TMEM163: variants seen among roughly 807,000 people sequenced by gnomAD.
TMEM163 encodes transmembrane protein 163.
A neutral mutation model predicts 29.3 loss-of-function variants in TMEM163; 17 were observed. The ratio of observed to expected loss-of-function variants is 0.58; its 90% CI spans 0.40 to 0.87. The LOEUF is 0.87. Ranked by LOEUF, TMEM163 falls within the 40% of genes least tolerant of loss-of-function variation. The pLI, the probability that TMEM163 is intolerant of heterozygous loss-of-function variation, is 0.00. For missense variants in TMEM163, 303 were observed against 381.5 expected (o/e 0.79, Z 1.71); for synonymous variants, 157 against 160.6 (o/e 0.98, Z 0.17).
At chr2:134,709,837 T>C (rs1373598959) in intron 2 of TMEM163, among the ~76,000 whole-genome samples, 1 of 152,184 alleles carries the variant, frequency 6.6e-6, no homozygotes, top group Non-Finnish European at 1.5e-5. Flanking sequence ...TAAGAAACAT[T>C]TGCAGTCTGT....
chr2:134,547,257 A>G (rs998433663), intron 4 of TMEM163, among the ~76,000 whole-genome samples: 2 of 152,228 alleles, frequency 1.3e-5, no homozygotes, highest in South Asian at 2.1e-4. Context: ...AACAAAAACT[A>G]TCAGGGCTAG....
chr2:134,623,494 G>A (rs1034735995), intron 2 of TMEM163, among the ~76,000 whole-genome samples: 2 of 152,182 alleles, frequency 1.3e-5, no homozygotes, highest in African/African-American at 4.8e-5. Flanking sequence ...GTTGCCGGCC[G>A]CAGTGGCTCA....
At chr2:134,700,663 C>T (rs927003888) in intron 2 of TMEM163, among the ~76,000 whole-genome samples, 2 of 152,090 alleles carry the variant, frequency 1.3e-5, no homozygotes, top group African/African-American at 4.8e-5. Context: ...CTTTAGGAGG[C>T]TAAGGCGGGC....
intron 2 of TMEM163, among the ~76,000 whole-genome samples, chr2:134,623,317 T>C (rs1350443021): frequency 6.6e-6 from 1 of 152,110 alleles, no homozygotes; most frequent in Non-Finnish European, 1.5e-5. Context: ...CGAGTCTACA[T>C]ACCCAATCTT....
At chr2:134,531,602 T>A (rs911688115) in intron 4 of TMEM163, among the ~76,000 whole-genome samples, 1 of 152,212 alleles carries the variant, frequency 6.6e-6, no homozygotes, top group African/African-American at 2.4e-5. Context: ...AACTCAGGGA[T>A]ACACTTAACT....
chr2:134,475,625 T>C (rs1296263715), intron 5 of TMEM163, among the ~76,000 whole-genome samples: 3 of 152,156 alleles, frequency 2.0e-5, no homozygotes, highest in African/African-American at 7.2e-5. Flanking sequence ...TTTAATAATT[T>C]CTACATCTCA....
chr2:134,638,244 T>C (rs72970166), intron 2 of TMEM163, among the ~76,000 whole-genome samples: 6,850 of 152,286 alleles, frequency 0.045, 507 homozygotes, highest in African/African-American at 0.15. Flanking sequence ...TTAAGCAGTG[T>C]CCTATTGATG....
intron 2 of TMEM163, among the ~76,000 whole-genome samples, chr2:134,625,095 T>G (rs1482575303): frequency 6.6e-6 from 1 of 152,160 alleles, no homozygotes; most frequent in East Asian, 1.9e-4. Context: ...GTGCATATGC[T>G]GTATATGTGG....
At chr2:134,501,002 C>G (rs1485015063) in intron 5 of TMEM163, among the ~76,000 whole-genome samples, 4 of 151,810 alleles carry the variant, frequency 2.6e-5, no homozygotes, top group Admixed American at 1.3e-4. Flanking sequence ...CTGAATGTTC[C>G]CAACACAGAA....
chr2:134,554,196 G>C (rs372314310), intron 2 of TMEM163, among the ~76,000 whole-genome samples: 1 of 151,952 alleles, frequency 6.6e-6, no homozygotes, highest in Non-Finnish European at 1.5e-5. Flanking sequence ...AGGCCAAGGT[G>C]GGGGGATCAC....
intron 5 of TMEM163, among the ~76,000 whole-genome samples, chr2:134,479,243 G>A (rs1378276): frequency 0.042 from 6,371 of 152,292 alleles, 214 homozygotes; most frequent in Admixed American, 0.1. Context: ...TCAGGGAAGC[G>A]TAGAAGATGC....
chr2:134,680,977 T>C (rs1195959990), intron 2 of TMEM163, among the ~76,000 whole-genome samples: 1 of 152,200 alleles, frequency 6.6e-6, no homozygotes, highest in African/African-American at 2.4e-5. Context: ...ACTATTGGAA[T>C]AAAAGTAGTT....
chr2:134,649,886 G>A (rs986027255), intron 2 of TMEM163, among the ~76,000 whole-genome samples: 2 of 151,440 alleles, frequency 1.3e-5, no homozygotes, highest in East Asian at 1.9e-4. Context: ...CAGGCCTGTA[G>A]TCCCAGCTAC....
chr2:134,560,742 G>T (rs1337239579), intron 2 of TMEM163, among the ~76,000 whole-genome samples: 1 of 152,218 alleles, frequency 6.6e-6, no homozygotes, highest in Non-Finnish European at 1.5e-5. Flanking sequence ...CTCTAGCATG[G>T]ACCAGGGCAC....
chr2:134,550,507 C>T (rs1224593855), intron 4 of TMEM163, 63 bp downstream of exon 4: 4 of 1,505,180 alleles, frequency 2.7e-6, no homozygotes, highest in African/African-American at 1.4e-5. Flanking sequence ...TGTTGAGGGC[C>T]TCATTCCGTG....
intron 2 of TMEM163, among the ~76,000 whole-genome samples, chr2:134,653,725 C>T: frequency 1.1e-5 from 1 of 88,742 alleles, no homozygotes; most frequent in African/African-American, 7.4e-5. Context: ...TGAATGCGTC[C>T]CAGAGATTCT....
At chr2:134,537,368 C>T (rs140278216) in intron 4 of TMEM163, among the ~76,000 whole-genome samples, 12 of 152,292 alleles carry the variant, frequency 7.9e-5, no homozygotes, top group East Asian at 5.8e-4. Flanking sequence ...GGTGCCAGCA[C>T]GGTCAGATTC....
chr2:134,604,248 G>A (rs1236129701), intron 2 of TMEM163, among the ~76,000 whole-genome samples: 1 of 152,208 alleles, frequency 6.6e-6, no homozygotes, highest in Non-Finnish European at 1.5e-5. Flanking sequence ...ACAATACAGG[G>A]AAAGCTGGGG....
intron 5 of TMEM163, among the ~76,000 whole-genome samples, chr2:134,491,070 A>C (rs912675031): frequency 6.6e-6 from 1 of 152,192 alleles, no homozygotes; most frequent in Non-Finnish European, 1.5e-5. Flanking sequence ...TACAGAGAGA[A>C]AGAAGAGCTA....
Sources: allele counts gnomAD v4.1 joint callset (sites outside exome capture counted in the v4.1 genomes callset), GRCh38; gene constraint gnomAD v4.1.1; transcripts MANE v1.5; gene names NCBI Gene and HGNC (gene_info 2026-07-23, HGNC 2026-07-21).